RAPGEF2: variants seen among roughly 807,000 people sequenced by gnomAD.
RAPGEF2 encodes the protein PDZ domain containing guanine nucleotide exchange factor (GEF) 1.
A neutral mutation model predicts 186.7 loss-of-function variants in RAPGEF2; 54 were observed. The ratio of observed to expected loss-of-function variants is 0.29; its 90% confidence interval spans 0.23 to 0.36. RAPGEF2 has a LOEUF of 0.36. RAPGEF2 is among the 10% of genes least tolerant of loss of function. The pLI is 1.00. For synonymous variants in RAPGEF2, 712 were observed against 705.9 expected (o/e 1.01, Z -0.14); for missense variants, 1,532 against 2,045.0 (o/e 0.75, Z 4.84).
intron 7 of RAPGEF2, chr4:159,282,611 G>T: frequency 2.2e-6 from 1 of 444,768 alleles, no homozygotes; most frequent in Admixed American, 2.5e-5. Context: ...TGTTTTTCTT[G>T]CCTTTTCTAA....
intron 4 of RAPGEF2, among the ~76,000 whole-genome samples, chr4:159,228,002 C>T (rs574861952): frequency 3.9e-5 from 6 of 152,160 alleles, no homozygotes; most frequent in Non-Finnish European, 8.8e-5. Context: ...GCAGACATTG[C>T]AGATTTCCCT....
chr4:159,182,992 A>G (rs1747179697), intron 1 of RAPGEF2, among the ~76,000 whole-genome samples: 1 of 152,114 alleles, frequency 6.6e-6, no homozygotes, highest in Non-Finnish European at 1.5e-5. Flanking sequence ...TGGCAATACT[A>G]CTCGGATTGG....
At chr4:159,209,730 G>T (rs866378809) in intron 3 of RAPGEF2, among the ~76,000 whole-genome samples, 2 of 152,204 alleles carry the variant, frequency 1.3e-5, no homozygotes, top group African/African-American at 4.8e-5. Context: ...CAATACCTAA[G>T]AAGATTACTA....
intron 25 of RAPGEF2, among the ~76,000 whole-genome samples, chr4:159,347,385 T>C (rs1228018205): frequency 6.6e-6 from 1 of 152,254 alleles, no homozygotes; most frequent in Non-Finnish European, 1.5e-5. Flanking sequence ...TGTCTGAAGG[T>C]AAATTCTTAT....
chr4:159,241,881 C>T (rs577311984), intron 6 of RAPGEF2, among the ~76,000 whole-genome samples: 78 of 152,020 alleles, frequency 5.1e-4, no homozygotes, highest in African/African-American at 1.7e-3. Context: ...GCTTTTTATA[C>T]CTTTATGAGA....
intron 3 of RAPGEF2, among the ~76,000 whole-genome samples, chr4:159,196,159 C>T (rs545412287): frequency 2.0e-5 from 3 of 152,172 alleles, no homozygotes; most frequent in East Asian, 1.9e-4. Flanking sequence ...AGATTTCTAG[C>T]GTTTGGCCAA....
chr4:159,199,267 A>T lies in RAPGEF2; in HGVS notation c.197+6011A>T, dbSNP rs565204815. On this transcript the variant is annotated intron_variant, in intron 3 of 29. Transcript: ENST00000691494. The stretch of plus-strand genomic sequence containing the variant: ...TTTTATGTACATACGGAGATCCTTT[A>T]AGGCTTCTTGACAATGATATTTTTA... Among the ~76,000 whole-genome samples the T allele has an allele frequency of 1.2e-3, 185 of 152,276 alleles. 1 individual carries two copies. The highest frequency in any genetic ancestry group is 5.2e-3 in the Admixed American group (79 of 15,302).
intron 7 of RAPGEF2, among the ~76,000 whole-genome samples, chr4:159,284,527 C>T (rs986289910): frequency 9.6e-6 from 1 of 104,666 alleles, no homozygotes; most frequent in African/African-American, 3.8e-5. Context: ...CACACACACA[C>T]ACACACACGA....
At chr4:159,113,590 A>G (rs1029577508) in intron 1 of RAPGEF2, among the ~76,000 whole-genome samples, 29 of 152,066 alleles carry the variant, frequency 1.9e-4, no homozygotes, top group Admixed American at 1.8e-3. Flanking sequence ...CATATACAAA[A>G]AATTAGCCAG....
intron 6 of RAPGEF2, 111 bp downstream of exon 6, chr4:159,241,479 TACAC>T: frequency 5.0e-6 from 2 of 403,532 alleles, no homozygotes; most frequent in Non-Finnish European, 8.0e-6. Flanking sequence ...TATATATATA[TACAC>T]ACACATTAAG....
chr4:159,200,230 G>A (rs1300014254), intron 3 of RAPGEF2, among the ~76,000 whole-genome samples: 2 of 152,182 alleles, frequency 1.3e-5, no homozygotes, highest in Non-Finnish European at 2.9e-5. Context: ...CACCTTGGGA[G>A]GCTGAGGTGG....
intron 8 of RAPGEF2, among the ~76,000 whole-genome samples, chr4:159,310,136 G>A (rs920729357): frequency 1.3e-5 from 2 of 152,082 alleles, no homozygotes; most frequent in Non-Finnish European, 2.9e-5. Context: ...TTACAGAAAC[G>A]AAAATGCAAA....
chr4:159,138,025 A>G (rs531890667), intron 1 of RAPGEF2, among the ~76,000 whole-genome samples: 1 of 152,344 alleles, frequency 6.6e-6, no homozygotes, highest in South Asian at 2.1e-4. Context: ...GGTATAATTG[A>G]CTTTCGCACA....
intron 4 of RAPGEF2, among the ~76,000 whole-genome samples, chr4:159,230,926 G>T (rs1240966740): frequency 6.6e-6 from 1 of 152,056 alleles, no homozygotes; most frequent in African/African-American, 2.4e-5. Flanking sequence ...TGGTAATATT[G>T]ATTCTGTTAT....
In RAPGEF2 at chr4:159,247,765, T is replaced by C. The variant is rs549524412; in HGVS notation, c.543+3974T>C. On this transcript the variant is annotated intron_variant, in intron 7 of 29. Transcript: ENST00000691494. The stretch of plus-strand genomic sequence containing the variant: ...AGAAATAATTTGTTTCTTTTTTTTT[T>C]TTTTTTTTTTTTTTTGAGGCAGAAT... Among the ~76,000 whole-genome samples the C allele has an allele frequency of 1.6e-4, 23 of 143,818 alleles. No individual in the cohort carries two copies. In the East Asian group the frequency reaches 4.1e-3, roughly 26 times the overall value. The allele number at this position is 143,818 out of a possible 152,430, so 94.4% of individuals were successfully genotyped here. A position where few individuals can be genotyped will look rare whatever the true frequency, so the allele number is the denominator to read the frequency against.
chr4:159,349,085 C>G (rs1730813170), intron 25 of RAPGEF2, among the ~76,000 whole-genome samples: 1 of 152,202 alleles, frequency 6.6e-6, no homozygotes, highest in Non-Finnish European at 1.5e-5. Flanking sequence ...GTGTATGATG[C>G]TGGCCTTGGA....
chr4:159,356,802 G>A lies in RAPGEF2; in HGVS notation c.4957+644G>A, dbSNP rs543210178. Among the ~76,000 whole-genome samples, 80 of 152,292 alleles carry A rather than the reference G, an allele frequency of 5.3e-4. 1 individual carries two copies. In the South Asian group the frequency reaches 0.01, roughly 20 times the overall value. ...TGTAATCCCAGCTGCTCGGGAGGCT[G>A]AGGCAGGAGAACCACTTGAGCCCGG... On this transcript the variant is annotated intron_variant, in intron 29 of 29. Coordinates refer to ENST00000691494, the MANE Select transcript of RAPGEF2 (RefSeq NM_001394067.2).
At chr4:159,215,585 TAATA>T (rs1207082242) in intron 4 of RAPGEF2, among the ~76,000 whole-genome samples, 1 of 152,242 alleles carries the variant, frequency 6.6e-6, no homozygotes, top group African/African-American at 2.4e-5. Flanking sequence ...CTGATTTTCT[TAATA>T]AAATCAATTT....
At chr4:159,146,745 G>A (rs1417558391) in intron 1 of RAPGEF2, among the ~76,000 whole-genome samples, 1 of 152,080 alleles carries the variant, frequency 6.6e-6, no homozygotes, top group Non-Finnish European at 1.5e-5. Flanking sequence ...GCCTATTGTG[G>A]GGCTGACTTA....
Sources: allele counts gnomAD v4.1 joint callset (sites outside exome capture counted in the v4.1 genomes callset), GRCh38; gene constraint gnomAD v4.1.1; transcripts MANE v1.5; gene names NCBI Gene and HGNC (gene_info 2026-07-23, HGNC 2026-07-21).